ANK2: variants seen among roughly 807,000 people sequenced by gnomAD.
ANK2 encodes ankyrin 2, also known as ankyrin-2.
In ANK2, 83 loss-of-function variants were observed where a neutral mutation model predicts 360.5. The ratio of observed to expected loss-of-function variants is 0.23; its 90% CI spans 0.19 to 0.28. ANK2 has a LOEUF of 0.28. Among genes scored for constraint, ANK2 ranks in the 10% least tolerant of loss-of-function variants. ANK2 has a pLI of 1.00. For missense variants in ANK2, 4,201 were observed against 4,795.7 expected (o/e 0.88, Z 3.66); for synonymous variants, 1,740 against 1,759.5 (o/e 0.99, Z 0.28).
intron 1 of ANK2, among the ~76,000 whole-genome samples, chr4:113,113,818 C>G (rs1046730693): frequency 6.6e-6 from 1 of 152,066 alleles, no homozygotes; most frequent in Non-Finnish European, 1.5e-5. Context: ...AGAACTGATA[C>G]CAATTATTTT....
chr4:113,256,354 T>C (rs1035101432), intron 11 of ANK2, among the ~76,000 whole-genome samples: 3 of 152,228 alleles, frequency 2.0e-5, no homozygotes, highest in African/African-American at 7.2e-5. Flanking sequence ...TATATTTGAC[T>C]ATGTAAGGGG....
chr4:113,127,616 G>A (rs2095743021), intron 1 of ANK2, among the ~76,000 whole-genome samples: 1 of 152,022 alleles, frequency 6.6e-6, no homozygotes, highest in South Asian at 2.1e-4. Flanking sequence ...AGGTGGAGAG[G>A]GTACCTCAGA....
intron 1 of ANK2, among the ~76,000 whole-genome samples, chr4:112,850,270 ATC>A (rs1342859430): frequency 3.2e-5 from 4 of 124,294 alleles, no homozygotes; most frequent in Admixed American, 3.0e-4. Context: ...CTATCTATCT[ATC>A]TATCTATCTA....
chr4:112,852,016 T>C (rs2065123599), intron 1 of ANK2, among the ~76,000 whole-genome samples: 1 of 152,230 alleles, frequency 6.6e-6, no homozygotes, highest in Admixed American at 6.5e-5. Flanking sequence ...CTAAATAGGT[T>C]TGTCAAATCT....
chr4:113,083,307 G>C (rs773881138), intron 1 of ANK2, among the ~76,000 whole-genome samples: 1 of 152,102 alleles, frequency 6.6e-6, no homozygotes, highest in Non-Finnish European at 1.5e-5. Context: ...GCCTCCCTGA[G>C]TAGCTGGGAT....
the ANK2 span, among the ~76,000 whole-genome samples, chr4:112,729,526 C>T: frequency 6.6e-6 from 1 of 151,928 alleles, no homozygotes; most frequent in African/African-American, 2.4e-5. Context: ...GAGGCCCAGG[C>T]AGGTGGATCA....
At chr4:112,730,345 G>T in the ANK2 span, among the ~76,000 whole-genome samples, 1 of 149,398 alleles carries the variant, frequency 6.7e-6, no homozygotes, top group East Asian at 2.0e-4. Flanking sequence ...TTGTACATTT[G>T]AAAATTGCTG....
chr4:112,921,523 C>A (rs952702442), intron 2 of ANK2, among the ~76,000 whole-genome samples: 2 of 151,672 alleles, frequency 1.3e-5, no homozygotes, highest in African/African-American at 4.8e-5. Flanking sequence ...AGTGCAGTGG[C>A]AATTCACAGG....
At chr4:113,113,071 A>C (rs1269318470) in intron 1 of ANK2, among the ~76,000 whole-genome samples, 1 of 152,100 alleles carries the variant, frequency 6.6e-6, no homozygotes, top group African/African-American at 2.4e-5. Flanking sequence ...TACCTCGATC[A>C]CTCATTAGTC....
At chr4:113,049,927 G>A in intron 1 of ANK2, 115 bp downstream of exon 1, 2 of 1,294,384 alleles carry the variant, frequency 1.5e-6, no homozygotes, top group Non-Finnish European at 2.2e-6. Flanking sequence ...AACTGTAGAC[G>A]ATAACAGTGC....
chr4:113,023,116 C>T (rs577255425), intron 2 of ANK2, among the ~76,000 whole-genome samples: 5 of 151,980 alleles, frequency 3.3e-5, no homozygotes, highest in African/African-American at 1.2e-4. Flanking sequence ...GCACATGTAT[C>T]CTGGAACTTA....
At chr4:112,793,712 T>C in the ANK2 span, among the ~76,000 whole-genome samples, 1 of 150,650 alleles carries the variant, frequency 6.6e-6, no homozygotes, top group East Asian at 1.9e-4. Context: ...TTTTCTTTTT[T>C]TTTTTTTTTT....
At chr4:113,336,210 G>T in intron 30 of ANK2, 153 bp downstream of exon 30, 1 of 806,238 alleles carries the variant, frequency 1.2e-6, no homozygotes, top group Non-Finnish European at 1.9e-6. Flanking sequence ...CATATTTATT[G>T]GTTACTAATC....
At chr4:112,894,064 T>G (rs967068875) in intron 1 of ANK2, among the ~76,000 whole-genome samples, 2 of 152,170 alleles carry the variant, frequency 1.3e-5, no homozygotes, top group Non-Finnish European at 2.9e-5. Flanking sequence ...AACACAAGCT[T>G]GCTGACCCTT....
intron 4 of ANK2, among the ~76,000 whole-genome samples, chr4:113,202,554 C>T (rs969593473): frequency 3.9e-5 from 6 of 152,202 alleles, no homozygotes; most frequent in Non-Finnish European, 8.8e-5. Flanking sequence ...TTGGCAGCTG[C>T]CTAGTACTAT....
the ANK2 span, among the ~76,000 whole-genome samples, chr4:112,795,889 C>T: frequency 4.6e-5 from 7 of 151,602 alleles, no homozygotes; most frequent in Admixed American, 3.3e-4. Flanking sequence ...TCCTCAACCT[C>T]CCCAGCTCAG....
At chr4:113,087,042 A>G (rs906902645) in intron 1 of ANK2, among the ~76,000 whole-genome samples, 1 of 152,226 alleles carries the variant, frequency 6.6e-6, no homozygotes, top group Non-Finnish European at 1.5e-5. Flanking sequence ...AAAAGGTTAC[A>G]TTCAAATAGG....
Position 112,916,345 on chromosome 4 carries a change from C to G in ANK2, c.21+11831C>G, listed in dbSNP as rs374631997. ...ATACTAAAGCATCTTAATAACTGAG[C>G]AGGACTATGAGCCTCAGTGATAGAA... On this transcript the variant is annotated intron_variant, in intron 2 of 30. Coordinates refer to the ANK2 transcript ENST00000503271. Among the ~76,000 whole-genome samples, 4 of 152,144 alleles carry G rather than the reference C, an allele frequency of 2.6e-5. No homozygotes were observed. The East Asian group carries it at 5.8e-4, about 22-fold the overall frequency.
intron 1 of ANK2, chr4:113,117,338 G>T (rs901459994): frequency 2.2e-6 from 1 of 456,008 alleles, no homozygotes; most frequent in African/African-American, 2.0e-5. Context: ...GGCTGATCTG[G>T]ATGAAAAGGA....
Sources: allele counts gnomAD v4.1 joint callset (sites outside exome capture counted in the v4.1 genomes callset), GRCh38; gene constraint gnomAD v4.1.1; transcripts MANE v1.5; gene names NCBI Gene and HGNC (gene_info 2026-07-23, HGNC 2026-07-21).